The following ANK3 variants were observed in gnomAD, a reference collection of about 807,000 sequenced individuals.
ANK3 encodes ankyrin 3.
In ANK3, 57 loss-of-function variants were observed where a neutral mutation model predicts 370.9. That is an observed-to-expected ratio of 0.15 (90% CI 0.12 to 0.19). ANK3 has a LOEUF of 0.19. ANK3 is among the 10% of genes least tolerant of loss of function. ANK3 has a pLI of 1.00. For synonymous variants in ANK3, 1,929 were observed against 1,946.3 expected (o/e 0.99, Z 0.23); for missense variants, 4,439 against 5,302.1 (o/e 0.84, Z 5.06).
chr10:60,640,858 T>C (rs1221468744), intron 1 of ANK3, among the ~76,000 whole-genome samples: 5 of 94,918 alleles, frequency 5.3e-5, no homozygotes, highest in African/African-American at 1.8e-4. Flanking sequence ...TGTCCCTGTT[T>C]GCAGATGACA....
chr10:60,072,550 A>G lies in ANK3; in HGVS notation c.8331T>C (p.Ser2777=). ...CCATAAAATCTTTTTGCACAGATACACTTTCATCTGGGAGGTCTATGGCCT... is the reference window on the plus strand; with the variant it reads ...CCATAAAATCTTTTTGCACAGATACGCTTTCATCTGGGAGGTCTATGGCCT... ...QQKAIDLPDE[S]VSVQKDFMVL... is the part of the protein sequence containing the mutation. Residue 2777 remains serine (S), a synonymous_variant, in exon 37 of 44, where the codon AGT becomes AGC. Coordinates refer to ENST00000280772, the MANE Select transcript of ANK3 (RefSeq NM_020987.5). 6.2e-7 allele frequency: 1 copy of G among 1,613,348 alleles called. No individual in the cohort carries two copies. Among genetic ancestry groups the G allele is most frequent in the Non-Finnish European group, 8.5e-7 (1 of 1,179,840 alleles).
intron 2 of ANK3, among the ~76,000 whole-genome samples, chr10:60,565,917 A>G (rs1469901989): frequency 6.6e-6 from 1 of 152,132 alleles, no homozygotes; most frequent in Non-Finnish European, 1.5e-5. Flanking sequence ...GATTCATTTT[A>G]TTGTGCTTTG....
At chr10:60,728,278 T>C (rs967696551) in intron 1 of ANK3, among the ~76,000 whole-genome samples, 1 of 152,220 alleles carries the variant, frequency 6.6e-6, no homozygotes, top group African/African-American at 2.4e-5. Context: ...GTCCTTGTTT[T>C]TTGGTGAGTG....
intron 1 of ANK3, among the ~76,000 whole-genome samples, chr10:60,647,671 AG>A (rs1201858695): frequency 3.3e-5 from 5 of 151,980 alleles, no homozygotes; most frequent in Admixed American, 6.6e-5. Flanking sequence ...TGGAAAAGGG[AG>A]GACAAATTCT....
At chr10:60,474,057 C>T (rs1225836786) in intron 2 of ANK3, among the ~76,000 whole-genome samples, 3 of 151,562 alleles carry the variant, frequency 2.0e-5, no homozygotes, top group Non-Finnish European at 2.9e-5. Context: ...TGCTTGAGCC[C>T]AGGAGTTCGA....
At chr10:60,601,198 T>C (rs992122746) in intron 2 of ANK3, among the ~76,000 whole-genome samples, 68 of 110,472 alleles carry the variant, frequency 6.2e-4, no homozygotes, top group Middle Eastern at 8.9e-3. Context: ...CACACACACA[T>C]ACCCGCACAC....
upstream of ANK3, among the ~76,000 whole-genome samples, chr10:60,390,873 G>A (rs543311426): frequency 6.6e-6 from 1 of 152,098 alleles, no homozygotes. Flanking sequence ...TAACTTTGGC[G>A]GTCGGTGCAT....
At chr10:60,502,512 T>C (rs1219719287) in intron 2 of ANK3, among the ~76,000 whole-genome samples, 1 of 152,140 alleles carries the variant, frequency 6.6e-6, no homozygotes, top group Non-Finnish European at 1.5e-5. Context: ...TGGCAGAATA[T>C]CTGGCATTAA....
intron 28 of ANK3, among the ~76,000 whole-genome samples, chr10:60,097,526 G>A (rs1215033662): frequency 6.6e-6 from 1 of 152,280 alleles, no homozygotes; most frequent in East Asian, 1.9e-4. Flanking sequence ...CATTCTCTGT[G>A]ACTGAGGCTT....
intron 1 of ANK3, among the ~76,000 whole-genome samples, chr10:60,681,728 C>T (rs527490279): frequency 6.6e-6 from 1 of 152,178 alleles, no homozygotes; most frequent in Non-Finnish European, 1.5e-5. Flanking sequence ...GTCTCCAGTG[C>T]AGGGCAGACT....
chr10:60,147,942 G>A (rs1006756456), intron 23 of ANK3, among the ~76,000 whole-genome samples: 4 of 152,194 alleles, frequency 2.6e-5, no homozygotes, highest in African/African-American at 4.8e-5. Flanking sequence ...TCTGAAAATG[G>A]GTGGTAATTA....
chr10:60,068,828 T>G lies in ANK3; in HGVS notation c.12053A>C (p.Glu4018Ala). 6.2e-7 allele frequency: 1 copy of G among 1,614,210 alleles called. No individual in the cohort carries two copies. Among genetic ancestry groups the G allele is most frequent in the Non-Finnish European group, 8.5e-7 (1 of 1,180,030 alleles). ...GGACAACTCGGACTGCATCTTTTTT[T>G]CTTCTTCAGAGAGGCGGTCCACAAG... is the stretch of plus-strand genomic sequence containing the variant. ...LKLVDRLSEEEKKMQSELSDE... is the reference protein window; with the variant it reads ...LKLVDRLSEEAKKMQSELSDE... Residue 4018 changes from glutamate (E) to alanine (A), a missense_variant, in exon 37 of 44, where the codon GAA (glutamate) becomes GCA (alanine). Around this residue, in one of 13 missense-constraint regions of ANK3, gnomAD observed 496 missense variants for 529.3 expected, o/e 0.94. Coordinates refer to ENST00000280772, the MANE Select transcript of ANK3 (RefSeq NM_020987.5).
chr10:60,293,877 T>G (rs1022832205), intron 1 of ANK3, among the ~76,000 whole-genome samples: 1 of 152,228 alleles, frequency 6.6e-6, no homozygotes, highest in Non-Finnish European at 1.5e-5. Flanking sequence ...AGGAAATACA[T>G]AGCAGTAACT....
intron 2 of ANK3, among the ~76,000 whole-genome samples, chr10:60,492,706 C>CAAAAA (rs764367710): frequency 1.0e-4 from 6 of 57,490 alleles, no homozygotes; most frequent in East Asian, 4.4e-4. Flanking sequence ...GACTCTGTCT[C>CAAAAA]AAAAAAAAAA....
rs753035138 is a variant in ANK3, at chr10:60,208,219, T to C, written c.1011A>G (p.Pro337=). The C allele has an allele frequency of 1.2e-6, 2 of 1,614,074 alleles. No homozygotes were observed. Among genetic ancestry groups the C allele is most frequent in the East Asian group, 4.5e-5 (2 of 44,884 alleles). The part of the protein sequence containing the change: ...ILSKTKNGLS[P]LHMATQGDHL... ...GATCCCCTTGTGTGGCCATGTGCAA[T>C]GGAGATAATCCATTCTGGAACACAT... is the stretch of plus-strand genomic sequence containing the variant. The change falls in exon 10 of 44, where the codon CCA becomes CCG. Residue 337 remains proline, a synonymous_variant. Transcript: ENST00000280772.
intron 33 of ANK3, 66 bp downstream of exon 33, chr10:60,083,426 T>C: frequency 1.3e-6 from 2 of 1,505,372 alleles, no homozygotes; most frequent in South Asian, 1.2e-5. Flanking sequence ...TTAAAACCTT[T>C]TATTTTTATT....
intron 8 of ANK3, among the ~76,000 whole-genome samples, chr10:60,218,209 C>T (rs1287890809): frequency 1.3e-5 from 2 of 150,430 alleles, no homozygotes; most frequent in South Asian, 2.1e-4. Context: ...GAATAGAGCA[C>T]ACTGATGGGT....
At chr10:60,721,856 A>G (rs1209029739) in intron 1 of ANK3, among the ~76,000 whole-genome samples, 2 of 152,208 alleles carry the variant, frequency 1.3e-5, no homozygotes, top group African/African-American at 4.8e-5. Context: ...TGACACCTTC[A>G]TCATAGTTCA....
At chr10:60,443,099 C>A (rs962563871) in intron 2 of ANK3, among the ~76,000 whole-genome samples, 1 of 152,136 alleles carries the variant, frequency 6.6e-6, no homozygotes, top group Non-Finnish European at 1.5e-5. Flanking sequence ...TAGAGCTGAG[C>A]ATTAGAGGAT....
Sources: gnomAD v4.1 joint callset for allele counts (sites outside exome capture counted in the v4.1 genomes callset) on GRCh38, gnomAD v4.1.1 for gene constraint, gnomAD v4.1.1 regional missense constraint, MANE v1.5 for transcripts, NCBI Gene and HGNC (gene_info 2026-07-23, HGNC 2026-07-21) for gene names.